KDM3B: variants seen among roughly 807,000 people sequenced by gnomAD.
KDM3B encodes the protein lysine-specific demethylase 3B.
Under a neutral mutation model 170.0 loss-of-function variants are expected in KDM3B, and 10 were observed. The ratio of observed to expected loss-of-function variants is 0.06; its 90% CI spans 0.04 to 0.10. The LOEUF (loss-of-function observed/expected upper bound fraction) is 0.10. Ranked by LOEUF, KDM3B falls within the 10% of genes least tolerant of loss-of-function variation. The probability of loss-of-function intolerance (pLI) is 1.00; values close to 1 mark genes in which losing one functional copy is unlikely to be tolerated. For synonymous variants in KDM3B, 831 were observed against 834.8 expected, an observed-to-expected ratio of 1.00 and a Z score of 0.08; for missense variants, 1,394 against 2,195.2, an observed-to-expected ratio of 0.64 and a Z score of 7.29.
intron 10 of KDM3B, 68 bp downstream of exon 10, chr5:138,398,460 G>A (rs1176941337): frequency 1.0e-5 from 14 of 1,357,240 alleles, no homozygotes; most frequent in Admixed American, 5.4e-5. Flanking sequence ...TTCACTTAAC[G>A]GGAAGATTGG....
rs186793089 is a variant in KDM3B at position 138,420,042 on chromosome 5, C to T, written c.3716-664C>T. Among the ~76,000 whole-genome samples the T allele has an allele frequency of 2.0e-3, 298 of 152,178 alleles. 1 individual carries two copies. The highest frequency in any genetic ancestry group is 6.3e-3 in the African/African-American group (262 of 41,544). On this transcript the variant is annotated intron_variant, in intron 14 of 23. Transcript: ENST00000314358. ...CTGGGATTACAGGCATGTGCCACCA[C>T]GCCCAGCTAATTTTTTTGTATTTTT... is the stretch of plus-strand genomic sequence containing the variant.
intron 11 of KDM3B, among the ~76,000 whole-genome samples, chr5:138,402,479 G>A (rs193178173): frequency 2.6e-5 from 4 of 152,090 alleles, no homozygotes; most frequent in African/African-American, 9.7e-5. Flanking sequence ...CAGTTTTCTT[G>A]TCTGTAAAAC....
chr5:138,390,681 G>C (rs1473247833), intron 7 of KDM3B, among the ~76,000 whole-genome samples: 9 of 152,106 alleles, frequency 5.9e-5, no homozygotes, highest in Admixed American at 5.9e-4. Flanking sequence ...TTCCTTAGAG[G>C]AGCTCTTCAC....
intron 7 of KDM3B, among the ~76,000 whole-genome samples, chr5:138,388,641 TAA>T (rs60280463): frequency 7.1e-5 from 6 of 84,634 alleles, no homozygotes; most frequent in Middle Eastern, 6.8e-3. Flanking sequence ...ACTCCGTCTT[TAA>T]AAAAAAAAAA....
intron 1 of KDM3B, among the ~76,000 whole-genome samples, chr5:138,363,285 A>G (rs1395080042): frequency 6.6e-6 from 1 of 152,136 alleles, no homozygotes; most frequent in African/African-American, 2.4e-5. Flanking sequence ...CCGATTTATT[A>G]CGGAATTTCT....
At chr5:138,422,595 G>A (rs763960244) in intron 15 of KDM3B, among the ~76,000 whole-genome samples, 4 of 152,022 alleles carry the variant, frequency 2.6e-5, no homozygotes, top group Non-Finnish European at 5.9e-5. Context: ...AGCCAAGATC[G>A]CACCACCGCA....
At chr5:138,424,681 G>A (rs1763352045) in intron 16 of KDM3B, among the ~76,000 whole-genome samples, 1 of 152,182 alleles carries the variant, frequency 6.6e-6, no homozygotes, top group African/African-American at 2.4e-5. Flanking sequence ...TTGAGAGGGT[G>A]AGGCAGGAGA....
At chr5:138,397,077 T>C (rs1168216939) in intron 9 of KDM3B, among the ~76,000 whole-genome samples, 1 of 152,130 alleles carries the variant, frequency 6.6e-6, no homozygotes, top group Non-Finnish European at 1.5e-5. Context: ...ACGCCTGTAA[T>C]CCCAGCACTT....
chr5:138,397,011 C>T (rs1762564282), intron 9 of KDM3B, among the ~76,000 whole-genome samples: 1 of 152,080 alleles, frequency 6.6e-6, no homozygotes, highest in Non-Finnish European at 1.5e-5. Flanking sequence ...CATGGCAAGA[C>T]CCTGTCTCTA....
intron 13 of KDM3B, among the ~76,000 whole-genome samples, chr5:138,418,442 G>A (rs758219132): frequency 6.6e-6 from 1 of 152,136 alleles, no homozygotes; most frequent in African/African-American, 2.4e-5. Context: ...TGGCAACACT[G>A]CTACAACACA....
In KDM3B at chr5:138,391,757, G is replaced by C. The variant is rs2126951192; in HGVS notation, c.2125G>C (p.Ala709Pro). 1 of 1,614,056 alleles carries C rather than the reference G, an allele frequency of 6.2e-7. No individual in the cohort carries two copies. The change falls in exon 8 of 24, where the codon GCT becomes CCT. Residue 709 changes from alanine to proline, a missense_variant. Physicochemically the swap from Ala to Pro is conservative, Grantham distance 27 (BLOSUM62 -1). Around this residue, in one of 19 missense-constraint regions of KDM3B, gnomAD observed 294 missense variants for 311.7 expected, o/e 0.94. Transcript: ENST00000314358. This position sits in a 1 kb window ranked among gnomAD's most constrained non-coding sequence, Gnocchi z 5.0. ...SKLVSGVLGS[A>P]LTSGGPSLSA... ...GCTAGTATCTGGTGTTCTGGGCTCA[G>C]CTCTTACCAGTGGGGGCCCAAGCCT...
At chr5:138,371,496 T>C (rs575429509) in intron 1 of KDM3B, among the ~76,000 whole-genome samples, 1 of 151,898 alleles carries the variant, frequency 6.6e-6, no homozygotes, top group Admixed American at 6.6e-5. Context: ...ATAATATTTA[T>C]TAGAAAAATG....
In KDM3B at chr5:138,415,142, G is replaced by T; in HGVS notation, c.3210G>T (p.Glu1070Asp). ...RKSRPRSETE[E>D]MGDEEVFSWL... ...TCATTTCTATTTCAGAGACAGAAGA[G>T]ATGGGTGATGAAGAAGTTTTCTCCT... Residue 1070 changes from glutamate to aspartate, a missense_variant, in exon 12 of 24, where the codon GAG becomes GAT. Coordinates refer to ENST00000314358, the MANE Select transcript of KDM3B (RefSeq NM_016604.4). 6.3e-7 allele frequency: 1 copy of T among 1,597,800 alleles called. No homozygotes were observed. The highest frequency in any genetic ancestry group is 8.6e-7 in the Non-Finnish European group (1 of 1,167,880).
chr5:138,401,481 C>T (rs749465534), intron 11 of KDM3B, among the ~76,000 whole-genome samples: 1 of 152,146 alleles, frequency 6.6e-6, no homozygotes, highest in Non-Finnish European at 1.5e-5. Context: ...CCAAATAATA[C>T]TCCTTTTTTG....
In KDM3B at chr5:138,386,554, A is replaced by T. The variant is rs760109893; in HGVS notation, c.1313A>T (p.Asp438Val). 6.2e-7 allele frequency: 1 copy of T among 1,614,098 alleles called. No homozygotes were observed. The highest frequency in any genetic ancestry group is 1.3e-5 in the African/African-American group (1 of 74,944). The change falls in exon 7 of 24, where the codon GAC becomes GTC. Residue 438 changes from aspartate to valine, a missense_variant. Coordinates refer to ENST00000314358, the MANE Select transcript of KDM3B (RefSeq NM_016604.4). ...ACCCCAAACACAGTGAGGATCTCAG[A>T]CACTGGCCTTGCAGCAGGGACTGTG... Reference protein sequence around the residue: ...SSTPNTVRISDTGLAAGTVPE... With the variant: ...SSTPNTVRISVTGLAAGTVPE...
intron 13 of KDM3B, 94 bp downstream of exon 13, chr5:138,417,704 T>C: frequency 7.6e-7 from 1 of 1,321,430 alleles, no homozygotes; most frequent in Non-Finnish European, 1.1e-6. Flanking sequence ...CAGGCTACTG[T>C]AGGATTCCTG....
chr5:138,376,547 CA>C (rs1270578530), intron 3 of KDM3B, among the ~76,000 whole-genome samples: 1 of 151,406 alleles, frequency 6.6e-6, no homozygotes. Context: ...TACTAAAATA[CA>C]AAAAAATTAG....
intron 11 of KDM3B, 152 bp from the exon 12 acceptor site, chr5:138,414,980 C>T (rs13153017): frequency 8.9e-6 from 4 of 449,092 alleles, no homozygotes; most frequent in Non-Finnish European, 1.6e-5. Context: ...TAAATAAAAT[C>T]TCAGTAAAGC....
chr5:138,385,998 T>C (rs1762250132), intron 6 of KDM3B, 24 bp from the exon 7 acceptor site: 2 of 1,566,802 alleles, frequency 1.3e-6, no homozygotes, highest in Non-Finnish European at 1.7e-6. Context: ...TTCCTTGTAA[T>C]CTTTTTTGAA....
Sources: gnomAD v4.1 joint callset for allele counts (sites outside exome capture counted in the v4.1 genomes callset) on GRCh38, gnomAD v4.1.1 for gene constraint, gnomAD v4.1.1 regional missense constraint, Gnocchi (gnomAD v3.1) non-coding constraint, MANE v1.5 for transcripts, NCBI Gene and HGNC (gene_info 2026-07-23, HGNC 2026-07-21) for gene names.